The following OLFM3 variants were observed in gnomAD, a reference collection of about 807,000 sequenced individuals.
OLFM3 encodes olfactomedin 3, also known as noelin-3.
In OLFM3, 20 loss-of-function variants were observed where a neutral mutation model predicts 48.6. The observed-to-expected ratio is 0.41, with a 90% confidence interval of 0.29 to 0.60. The LOEUF (loss-of-function observed/expected upper bound fraction) is 0.60. Ranked by LOEUF, OLFM3 falls within the 20% of genes least tolerant of loss-of-function variation. The pLI is 0.28. For synonymous variants in OLFM3, 222 were observed against 198.1 expected, an observed-to-expected ratio of 1.12 and a Z score of -1.01; for missense variants, 437 against 544.3, an observed-to-expected ratio of 0.80 and a Z score of 1.96.
chr1:101,820,574 T>G (rs941317135), intron 4 of OLFM3, among the ~76,000 whole-genome samples: 2 of 152,034 alleles, frequency 1.3e-5, no homozygotes, highest in African/African-American at 2.4e-5. Flanking sequence ...AGGCCAGAGG[T>G]CCATCGCTGT....
intron 1 of OLFM3, among the ~76,000 whole-genome samples, chr1:101,880,792 T>C (rs1489882785): frequency 6.6e-6 from 1 of 151,834 alleles, no homozygotes; most frequent in Non-Finnish European, 1.5e-5. Context: ...GAGAGGTAAC[T>C]TGACTATATA....
intron 1 of OLFM3, among the ~76,000 whole-genome samples, chr1:101,994,815 C>G (rs931251320): frequency 2.0e-5 from 3 of 151,872 alleles, no homozygotes; most frequent in African/African-American, 4.8e-5. Flanking sequence ...TATGTGGAAG[C>G]TGAGAAGGAC....
At chr1:101,812,769 A>T (rs553436650) in intron 4 of OLFM3, 2 of 988,716 alleles carry the variant, frequency 2.0e-6, no homozygotes, top group South Asian at 9.3e-5. Flanking sequence ...CTTAAACTAA[A>T]CATTGGGTGA....
chr1:101,810,346 C>T (rs1653989455), intron 4 of OLFM3, among the ~76,000 whole-genome samples: 1 of 151,862 alleles, frequency 6.6e-6, no homozygotes, highest in Non-Finnish European at 1.5e-5. Context: ...AGAAAAAAAG[C>T]ATGTTAATAT....
At chr1:101,945,995 T>G (rs1237985063) in intron 1 of OLFM3, among the ~76,000 whole-genome samples, 1 of 152,190 alleles carries the variant, frequency 6.6e-6, no homozygotes, top group Non-Finnish European at 1.5e-5. Context: ...TGGAATCATG[T>G]GCCAAAAATG....
At chr1:101,976,393 C>T (rs759940004) in intron 1 of OLFM3, among the ~76,000 whole-genome samples, 1 of 152,194 alleles carries the variant, frequency 6.6e-6, no homozygotes, top group Non-Finnish European at 1.5e-5. Context: ...TGATTTTTAG[C>T]TGCATCCATG....
At chr1:101,891,092 A>G (rs974961000) in intron 1 of OLFM3, among the ~76,000 whole-genome samples, 1 of 152,006 alleles carries the variant, frequency 6.6e-6, no homozygotes, top group Non-Finnish European at 1.5e-5. Context: ...TAGCAAATTT[A>G]TCTTTCTAAT....
At chr1:101,824,101 CTT>C (rs1219417924) in intron 4 of OLFM3, among the ~76,000 whole-genome samples, 1 of 151,568 alleles carries the variant, frequency 6.6e-6, no homozygotes, top group African/African-American at 2.4e-5. Flanking sequence ...AGAAATTAAT[CTT>C]TTGTGTGTGT....
At chr1:101,968,829 T>C (rs1660697870) in intron 1 of OLFM3, among the ~76,000 whole-genome samples, 1 of 152,206 alleles carries the variant, frequency 6.6e-6, no homozygotes, top group Admixed American at 6.5e-5. Flanking sequence ...ACTGGAGTTT[T>C]TAAAGAATGA....
At chr1:101,869,305 A>G (rs575264355) in intron 1 of OLFM3, among the ~76,000 whole-genome samples, 3 of 152,282 alleles carry the variant, frequency 2.0e-5, no homozygotes, top group Non-Finnish European at 4.4e-5. Context: ...CACCTCTTAC[A>G]TTAGTGTCCC....
intron 1 of OLFM3, among the ~76,000 whole-genome samples, chr1:101,846,399 T>G (rs1444861646): frequency 6.6e-6 from 1 of 152,172 alleles, no homozygotes; most frequent in Non-Finnish European, 1.5e-5. Flanking sequence ...TCATTGCAAA[T>G]AGTCACAGGC....
intron 1 of OLFM3, among the ~76,000 whole-genome samples, chr1:101,839,891 C>T (rs1655625056): frequency 1.3e-5 from 2 of 152,156 alleles, no homozygotes; most frequent in African/African-American, 4.8e-5. Flanking sequence ...TACAGAGTTA[C>T]TTTGAATGAT....
intron 1 of OLFM3, among the ~76,000 whole-genome samples, chr1:101,892,263 C>G (rs181528302): frequency 2.0e-4 from 31 of 152,046 alleles, no homozygotes; most frequent in Admixed American, 6.6e-4. Context: ...ACTAGAGCAG[C>G]CTGGGGAGAT....
At chr1:101,808,367 G>C (rs1427708555) in intron 4 of OLFM3, among the ~76,000 whole-genome samples, 1 of 32,012 alleles carries the variant, frequency 3.1e-5, no homozygotes, top group African/African-American at 1.2e-4. Context: ...GGTCATTAAA[G>C]ATGAAGATGG....
At chr1:101,967,842 G>A (rs1216671921) in intron 1 of OLFM3, among the ~76,000 whole-genome samples, 1 of 152,094 alleles carries the variant, frequency 6.6e-6, no homozygotes. Context: ...AGGAGTTGGG[G>A]GAGGTGGTAT....
chr1:101,871,129 C>A (rs1657068294), intron 1 of OLFM3, among the ~76,000 whole-genome samples: 2 of 151,880 alleles, frequency 1.3e-5, no homozygotes, highest in African/African-American at 2.4e-5. Context: ...TCCTTGACAG[C>A]AGGAATTTTA....
chr1:101,969,641 T>C (rs894619397), intron 1 of OLFM3, among the ~76,000 whole-genome samples: 6 of 152,212 alleles, frequency 3.9e-5, no homozygotes, highest in Non-Finnish European at 8.8e-5. Flanking sequence ...GGTGAGATTT[T>C]CTATTTCTAT....
intron 1 of OLFM3, among the ~76,000 whole-genome samples, chr1:101,905,838 C>G (rs1231466902): frequency 1.3e-5 from 2 of 152,094 alleles, no homozygotes; most frequent in Non-Finnish European, 2.9e-5. Context: ...ACTCAAAACC[C>G]AAAAGAATCT....
chr1:101,940,086 GA>G (rs1281595728), intron 1 of OLFM3, among the ~76,000 whole-genome samples: 2 of 152,214 alleles, frequency 1.3e-5, no homozygotes, highest in African/African-American at 4.8e-5. Context: ...GGGCCAGTAG[GA>G]GTGTAATAGA....
Sources: gnomAD v4.1 joint callset for allele counts (sites outside exome capture counted in the v4.1 genomes callset) on GRCh38, gnomAD v4.1.1 for gene constraint, MANE v1.5 for transcripts, NCBI Gene and HGNC (gene_info 2026-07-23, HGNC 2026-07-21) for gene names.